Variants in ZNF679 observed in about 807,000 individuals in gnomAD.
The protein encoded by ZNF679 is zinc finger protein 679.
A neutral mutation model predicts 13.4 loss-of-function variants in ZNF679; 10 were observed. That is an observed-to-expected ratio of 0.75 (90% CI 0.46 to 1.27). The LOEUF (loss-of-function observed/expected upper bound fraction) is 1.27, where lower values mean the gene tolerates loss of function less well. Among genes scored for constraint, ZNF679 ranks in the 50% most tolerant of loss-of-function variants. The pLI, the probability that ZNF679 is intolerant of heterozygous loss-of-function variation, is 0.00. For synonymous variants in ZNF679, 179 were observed against 162.5 expected (o/e 1.10, Z -0.77); for missense variants, 525 against 477.8 (o/e 1.10, Z -0.92).
intron 1 of ZNF679, among the ~76,000 whole-genome samples, chr7:64,239,966 C>G (rs182844003): frequency 1.3e-3 from 203 of 152,182 alleles, no homozygotes; most frequent in African/African-American, 3.6e-3. Context: ...ACTGTGGCAT[C>G]TCTCTAGGCC....
chr7:64,230,629 G>A (rs1225451546), intron 1 of ZNF679, among the ~76,000 whole-genome samples: 1 of 151,980 alleles, frequency 6.6e-6, no homozygotes, highest in East Asian at 1.9e-4. Flanking sequence ...ACTGTCTCGT[G>A]TGTTTTATCC....
intron 1 of ZNF679, among the ~76,000 whole-genome samples, chr7:64,235,363 A>G (rs1363010252): frequency 2.6e-5 from 4 of 151,926 alleles, no homozygotes; most frequent in Non-Finnish European, 1.5e-5. Flanking sequence ...CCCACAAAAC[A>G]GTTCTAAAAC....
At chr7:64,244,501 C>T (rs1787840442) in intron 1 of ZNF679, among the ~76,000 whole-genome samples, 2 of 152,120 alleles carry the variant, frequency 1.3e-5, no homozygotes, top group South Asian at 4.1e-4. Context: ...CAACCTCAGC[C>T]TCCTGAAACC....
intron 1 of ZNF679, among the ~76,000 whole-genome samples, chr7:64,238,993 G>C (rs1476118788): frequency 6.6e-6 from 1 of 152,098 alleles, no homozygotes; most frequent in African/African-American, 2.4e-5. Context: ...AGATCACAGA[G>C]GATTATGTCA....
At chr7:64,257,897 G>T (rs1788024120) in intron 2 of ZNF679, among the ~76,000 whole-genome samples, 1 of 152,120 alleles carries the variant, frequency 6.6e-6, no homozygotes, top group African/African-American at 2.4e-5. Context: ...GCCCATTCCT[G>T]GACCCTTTTG....
At chr7:64,244,772 GCACTGAGCAGTCTCCATTGGGGTCTC>G (rs1358896212) in intron 1 of ZNF679, among the ~76,000 whole-genome samples, 1 of 152,198 alleles carries the variant, frequency 6.6e-6, no homozygotes, top group East Asian at 1.9e-4. Context: ...CTGAGCTACA[GCACTGAGCAGTCTCCATTGGGGTCTC>G]CCAGAAGAAG....
chr7:64,245,410 GGAGAGAGAGAAAGAGAGAGA>G (rs1219504493), intron 1 of ZNF679, among the ~76,000 whole-genome samples: 67 of 98,774 alleles, frequency 6.8e-4, no homozygotes, highest in East Asian at 1.7e-3. Context: ...GATAGGAAAG[GGAGAGAGAGAAAGAGAGAGA>G]GAGAGAGAGA....
At chr7:64,237,125 G>C (rs1000973467) in intron 1 of ZNF679, among the ~76,000 whole-genome samples, 1 of 152,170 alleles carries the variant, frequency 6.6e-6, no homozygotes, top group Non-Finnish European at 1.5e-5. Flanking sequence ...TGTGCATGCA[G>C]GCAGATGGGA....
At chr7:64,238,853 T>C (rs1787759184) in intron 1 of ZNF679, among the ~76,000 whole-genome samples, 1 of 152,166 alleles carries the variant, frequency 6.6e-6, no homozygotes, top group Non-Finnish European at 1.5e-5. Context: ...ATCCCCACAG[T>C]TGACATGGTG....
At chr7:64,253,432 G>A (rs1345505710) in intron 2 of ZNF679, among the ~76,000 whole-genome samples, 1 of 152,154 alleles carries the variant, frequency 6.6e-6, no homozygotes, top group Non-Finnish European at 1.5e-5. Context: ...CACCAGCAAA[G>A]GAAGAAGCCT....
intron 2 of ZNF679, among the ~76,000 whole-genome samples, chr7:64,259,585 A>G (rs1788047761): frequency 6.6e-6 from 1 of 152,178 alleles, no homozygotes; most frequent in Admixed American, 6.5e-5. Context: ...ATTACAGAAC[A>G]GGGAAGTTAT....
intron 2 of ZNF679, among the ~76,000 whole-genome samples, chr7:64,253,347 C>T (rs1787966001): frequency 1.3e-5 from 2 of 152,090 alleles, no homozygotes; most frequent in African/African-American, 2.4e-5. Flanking sequence ...AATATTGAGT[C>T]TGCAAAAGGA....
At chr7:64,233,253 CA>C (rs71060564) in intron 1 of ZNF679, among the ~76,000 whole-genome samples, 40,023 of 126,138 alleles carry the variant, frequency 0.32, 5,505 homozygotes, top group East Asian at 0.34. Flanking sequence ...AACAAATAAA[CA>C]AAAAAAAAAA....
In ZNF679 at chr7:64,266,724, C is replaced by T. The variant is rs1284946114; in HGVS notation, c.1091C>T (p.Ser364Phe). ...CKECGKAFAF[S>F]STLNTHKRIH... ...GAATGTGGGAAAGCCTTTGCCTTCT[C>T]CTCAACTCTTAATACTCATAAGAGG... is the stretch of plus-strand genomic sequence containing the variant. The change falls in exon 5 of 5, where the codon TCC (serine) becomes TTC (phenylalanine). Residue 364 changes from serine to phenylalanine, a missense_variant. Ser to Phe is a radical substitution (Grantham distance 155). Coordinates refer to ENST00000421025, the MANE Select transcript of ZNF679 (RefSeq NM_153363.3). The T allele has an allele frequency of 6.2e-7, 1 of 1,612,032 alleles. No homozygotes were observed. The highest frequency in any genetic ancestry group is 1.7e-5 in the Admixed American group (1 of 59,666).
At chr7:64,246,729 G>A (rs1028385455) in intron 1 of ZNF679, among the ~76,000 whole-genome samples, 28 of 149,586 alleles carry the variant, frequency 1.9e-4, no homozygotes, top group African/African-American at 5.7e-4. Context: ...TCAAAAGAAA[G>A]AAAGAAAAGA....
At chr7:64,240,562 C>T (rs1023521486) in intron 1 of ZNF679, among the ~76,000 whole-genome samples, 1 of 152,186 alleles carries the variant, frequency 6.6e-6, no homozygotes, top group South Asian at 2.1e-4. Context: ...CTGTCATATG[C>T]ACATCCAGCT....
In ZNF679 at chr7:64,266,639, T is replaced by G. The variant is rs1788156603; in HGVS notation, c.1006T>G (p.Ser336Ala). 1 of 1,610,572 alleles carries G rather than the reference T, an allele frequency of 6.2e-7. No individual in the cohort carries two copies. The highest frequency in any genetic ancestry group is 8.5e-7 in the Non-Finnish European group (1 of 1,177,048). Residue 336 changes from serine (S) to alanine (A), a missense_variant, in exon 5 of 5, where the codon TCC becomes GCC. Physicochemically the swap from Ser to Ala is moderately conservative, Grantham distance 99 (BLOSUM62 1). Coordinates refer to ENST00000421025, the MANE Select transcript of ZNF679 (RefSeq NM_153363.3). ...AGAATGTGGCAAAGCCTTTAACTGC[T>G]CCTCAACCCTTAAGAAACATAAGAT... is the stretch of plus-strand genomic sequence containing the variant. ...CEECGKAFNCSSTLKKHKIIH... is the reference protein window; with the variant it reads ...CEECGKAFNCASTLKKHKIIH...
intron 1 of ZNF679, among the ~76,000 whole-genome samples, chr7:64,238,489 G>T (rs1464557074): frequency 6.6e-6 from 1 of 152,150 alleles, no homozygotes; most frequent in Non-Finnish European, 1.5e-5. Context: ...CAGGGTTCAA[G>T]CGATTCTCCT....
rs550415188 is a variant in ZNF679 at position 64,240,093 on chromosome 7, C to A, written c.-90-8935C>A. ...GGAACTGTACTGTGTTGGCCCTGTG[C>A]AAAGGGGGCATTGTGATATATATTG... On this transcript the variant is annotated intron_variant, in intron 1 of 4. Coordinates refer to ENST00000421025, the MANE Select transcript of ZNF679 (RefSeq NM_153363.3). 6.6e-5 allele frequency among the ~76,000 whole-genome samples: 10 copies of A among 152,230 alleles called. No individual in the cohort carries two copies. In the South Asian group the frequency reaches 2.1e-3, roughly 32 times the overall value.
Sources: gnomAD v4.1 joint callset for allele counts (sites outside exome capture counted in the v4.1 genomes callset) on GRCh38, gnomAD v4.1.1 for gene constraint, MANE v1.5 for transcripts, NCBI Gene and HGNC (gene_info 2026-07-23, HGNC 2026-07-21) for gene names.